Variants in GPALPP1 observed in about 807,000 individuals in gnomAD.
GPALPP1 encodes the protein GPALPP motifs-containing protein 1.
GPALPP1 carries 30 observed loss-of-function variants against 38.9 expected under a neutral mutation model. The ratio of observed to expected loss-of-function variants is 0.77; its 90% CI spans 0.58 to 1.05. The LOEUF (loss-of-function observed/expected upper bound fraction) is 1.05. Ranked by LOEUF, GPALPP1 falls within the 50% of genes least tolerant of loss-of-function variation. The pLI is 0.00. For synonymous variants in GPALPP1, 120 were observed against 139.2 expected (o/e 0.86, Z 0.97); for missense variants, 384 against 408.8 (o/e 0.94, Z 0.52).
At chr13:45,004,261 G>A (rs368394394) in intron 1 of GPALPP1, 44 bp from the exon 2 acceptor site, 63 of 1,549,380 alleles carry the variant, frequency 4.1e-5, no homozygotes, top group Non-Finnish European at 5.1e-5. Flanking sequence ...AGGGTTCATT[G>A]AAACAGTAGT....
intron 6 of GPALPP1, among the ~76,000 whole-genome samples, chr13:45,018,925 G>GTATAAATATATACA (rs1875079589): frequency 1.4e-5 from 1 of 72,780 alleles, no homozygotes; most frequent in Non-Finnish European, 2.3e-5. Context: ...ACATATAAAT[G>GTATAAATATATACA]TATAAATATA....
chr13:45,007,998 T>C (rs1382323421), intron 3 of GPALPP1, among the ~76,000 whole-genome samples: 1 of 152,192 alleles, frequency 6.6e-6, no homozygotes, highest in Non-Finnish European at 1.5e-5. Context: ...TATTTGGCAG[T>C]AGGGCAGCTG....
intron 3 of GPALPP1, among the ~76,000 whole-genome samples, 196 bp from the exon 4 acceptor site, chr13:45,008,599 G>C (rs1417784634): frequency 6.6e-6 from 1 of 152,142 alleles, no homozygotes; most frequent in Non-Finnish European, 1.5e-5. Flanking sequence ...AAGTAGAAAA[G>C]TCAAATGTGA....
chr13:45,006,218 C>T lies in GPALPP1; in HGVS notation c.238C>T (p.Gln80Ter). Residue 80 changes from glutamine (Q) to a stop codon, truncating the protein, a stop_gained, in exon 3 of 8, where the codon CAG (glutamine) becomes TAG (stop). Coordinates refer to ENST00000379151, the MANE Select transcript of GPALPP1 (RefSeq NM_018559.5). LOFTEE classifies it high-confidence loss of function. The part of the protein sequence containing the change: ...GPTARKQRKN[Q>*]DDDDDDDDGF... ...TGTTTTCAGAAAACAGAGGAAAAAT[C>T]AGGATGATGACGATGATGATGATGA... 1 of 1,603,448 alleles carries T rather than the reference C, an allele frequency of 6.2e-7. No individual in the cohort carries two copies. Among genetic ancestry groups the T allele is most frequent in the Non-Finnish European group, 8.5e-7 (1 of 1,174,558 alleles).
intron 6 of GPALPP1, among the ~76,000 whole-genome samples, chr13:45,018,766 T>G (rs1183420982): frequency 2.6e-5 from 4 of 151,746 alleles, no homozygotes; most frequent in African/African-American, 7.3e-5. Context: ...TGGGAGCATA[T>G]GCTCTAGAAT....
chr13:45,015,188 C>A (rs913931149), intron 5 of GPALPP1, 105 bp downstream of exon 5: 3 of 748,744 alleles, frequency 4.0e-6, no homozygotes, highest in African/African-American at 3.7e-5. Flanking sequence ...TGTTTTTATG[C>A]ATAACATTTT....
chr13:45,015,990 C>T (rs910250954), intron 6 of GPALPP1, among the ~76,000 whole-genome samples: 2 of 151,562 alleles, frequency 1.3e-5, no homozygotes, highest in Non-Finnish European at 2.9e-5. Context: ...TCTTTATGAA[C>T]ATATATCTTT....
intron 1 of GPALPP1, among the ~76,000 whole-genome samples, chr13:45,001,023 A>C (rs1873634943): frequency 6.6e-6 from 1 of 152,186 alleles, no homozygotes; most frequent in Admixed American, 6.5e-5. Flanking sequence ...ACACTGTAAT[A>C]ATGTTTGGCT....
At chr13:45,004,552 A>C in intron 2 of GPALPP1, 115 bp downstream of exon 2, 1 of 637,092 alleles carries the variant, frequency 1.6e-6, no homozygotes, top group Non-Finnish European at 2.7e-6. Flanking sequence ...CACAGGGAGA[A>C]ATCATTTTGT....
chr13:44,996,515 TCA>T, intron 1 of GPALPP1, among the ~76,000 whole-genome samples: 1 of 151,012 alleles, frequency 6.6e-6, no homozygotes, highest in African/African-American at 2.4e-5. Flanking sequence ...AAACAGCATC[TCA>T]CTGTCATCCT....
intron 7 of GPALPP1, among the ~76,000 whole-genome samples, 177 bp downstream of exon 7, chr13:45,020,605 G>A (rs996210354): frequency 2.0e-5 from 3 of 151,052 alleles, no homozygotes; most frequent in Non-Finnish European, 2.9e-5. Context: ...AACTGAGTTG[G>A]GAGGATCACT....
At chr13:45,014,116 T>C (rs926947540) in intron 4 of GPALPP1, among the ~76,000 whole-genome samples, 1 of 152,164 alleles carries the variant, frequency 6.6e-6, no homozygotes, top group African/African-American at 2.4e-5. Context: ...CTTATTAAGA[T>C]GGAAGTGAGA....
chr13:45,020,640 C>CAAA (rs530239850), intron 7 of GPALPP1, among the ~76,000 whole-genome samples: 1 of 109,668 alleles, frequency 9.1e-6, no homozygotes, highest in South Asian at 2.9e-4. Flanking sequence ...CCTAATGTCT[C>CAAA]AAAAAAAAAA....
chr13:45,013,043 G>A (rs540291947), intron 4 of GPALPP1, among the ~76,000 whole-genome samples: 8 of 152,100 alleles, frequency 5.3e-5, no homozygotes, highest in Non-Finnish European at 1.2e-4. Context: ...AACCTACTTA[G>A]TTAGCAAATG....
chr13:45,015,410 G>GT, intron 5 of GPALPP1, 22 bp from the exon 6 acceptor site: 1 of 1,474,928 alleles, frequency 6.8e-7, no homozygotes, highest in Non-Finnish European at 9.2e-7. Context: ...TTTCTATGCT[G>GT]TGTTTTTTTT....
intron 1 of GPALPP1, among the ~76,000 whole-genome samples, chr13:45,003,505 T>C (rs1873838585): frequency 6.6e-6 from 1 of 152,136 alleles, no homozygotes; most frequent in African/African-American, 2.4e-5. Context: ...AATACATAGA[T>C]TTTAGGGAGT....
chr13:45,029,151 T>C lies in GPALPP1; in HGVS notation c.*1148T>C, dbSNP rs1459455602. ...ATGATTTTTAATTGTATTAAACCTA[T>C]ATCAATATTCAAATGTGATTTTTGA... On this transcript the variant is annotated 3_prime_UTR_variant, in exon 8 of 8. Coordinates refer to ENST00000379151, the MANE Select transcript of GPALPP1 (RefSeq NM_018559.5). 1 of 152,218 alleles carries C rather than the reference T, an allele frequency of 6.6e-6. No individual in the cohort carries two copies. The highest frequency in any genetic ancestry group is 1.5e-5 in the Non-Finnish European group (1 of 68,042). 9.4% of individuals were successfully genotyped at this position (152,218 alleles called of 1,614,324 possible).
chr13:45,020,833 CTG>C (rs1300308221), intron 7 of GPALPP1, among the ~76,000 whole-genome samples: 2 of 152,056 alleles, frequency 1.3e-5, no homozygotes, highest in South Asian at 2.1e-4. Flanking sequence ...TAAAATTCTT[CTG>C]TGTTTTTCAT....
downstream of GPALPP1, chr13:45,035,035 C>T (rs1876362032): frequency 6.7e-6 from 1 of 148,724 alleles, no homozygotes; most frequent in African/African-American, 2.5e-5. Context: ...CGGCTCACTG[C>T]AAGCTCCGCC....
Sources: allele counts gnomAD v4.1 joint callset (sites outside exome capture counted in the v4.1 genomes callset), GRCh38; gene constraint gnomAD v4.1.1; transcripts MANE v1.5; gene names NCBI Gene and HGNC (gene_info 2026-07-23, HGNC 2026-07-21).